GLMN: variants seen among roughly 807,000 people sequenced by gnomAD.
GLMN encodes the protein glomulin, FKBP associated protein, also known as glomulin.
Under a neutral mutation model 87.8 loss-of-function variants are expected in GLMN, and 75 were observed. The ratio of observed to expected loss-of-function variants is 0.85; its 90% CI spans 0.71 to 1.04. GLMN has a LOEUF of 1.04. Ranked by LOEUF, GLMN falls within the 50% of genes least tolerant of loss-of-function variation. The pLI is 0.00. For missense variants in GLMN, 588 were observed against 658.8 expected (o/e 0.89, Z 1.18); for synonymous variants, 206 against 221.6 (o/e 0.93, Z 0.63).
At chr1:92,361,936 T>C in the GLMN span, among the ~76,000 whole-genome samples, 1 of 152,194 alleles carries the variant, frequency 6.6e-6, no homozygotes. Flanking sequence ...TTTTAGTTAT[T>C]TATCTGATGC....
the GLMN span, among the ~76,000 whole-genome samples, chr1:92,356,754 C>T: frequency 6.6e-6 from 1 of 150,630 alleles, no homozygotes; most frequent in Non-Finnish European, 1.5e-5. Flanking sequence ...TTTTTATTCT[C>T]TACTTTTTTT....
At chr1:92,293,045 A>G (rs1649604148) in intron 3 of GLMN, among the ~76,000 whole-genome samples, 1 of 151,928 alleles carries the variant, frequency 6.6e-6, no homozygotes. Context: ...AATAATGAAA[A>G]AGCAGATCTA....
chr1:92,275,951 G>A (rs1168950814), intron 7 of GLMN, among the ~76,000 whole-genome samples: 3 of 152,162 alleles, frequency 2.0e-5, no homozygotes, highest in African/African-American at 4.8e-5. Context: ...GCCAGGTATG[G>A]TGGCTCAGAC....
the GLMN span, chr1:92,333,388 C>T: frequency 1.0e-3 from 1,688 of 1,609,160 alleles, 36 homozygotes; most frequent in East Asian, 0.031. Context: ...AAATGTGATT[C>T]AGCATGATTC....
the GLMN span, among the ~76,000 whole-genome samples, chr1:92,350,812 G>T: frequency 1.3e-5 from 2 of 152,026 alleles, no homozygotes; most frequent in African/African-American, 4.8e-5. Flanking sequence ...CATGCCTATA[G>T]TTCCAGCTAC....
At chr1:92,298,233 C>T (rs568358528) in intron 1 of GLMN, among the ~76,000 whole-genome samples, 164 of 151,928 alleles carry the variant, frequency 1.1e-3, no homozygotes, top group African/African-American at 3.8e-3. Context: ...AGTATGTTTG[C>T]CTAAGAAAAT....
At chr1:92,259,934 A>G (rs1301638430) in intron 16 of GLMN, among the ~76,000 whole-genome samples, 1 of 151,570 alleles carries the variant, frequency 6.6e-6, no homozygotes, top group Non-Finnish European at 1.5e-5. Flanking sequence ...ACGGGGTTTC[A>G]CTGTGTTAGC....
the GLMN span, among the ~76,000 whole-genome samples, chr1:92,335,262 A>C: frequency 6.6e-6 from 1 of 152,234 alleles, no homozygotes; most frequent in Non-Finnish European, 1.5e-5. Flanking sequence ...AGGGAATGAA[A>C]AATGAAGCAA....
At chr1:92,249,288 CTTT>C (rs1282095175) in intron 16 of GLMN, among the ~76,000 whole-genome samples, 10 of 110,420 alleles carry the variant, frequency 9.1e-5, no homozygotes, top group Non-Finnish European at 1.5e-4. Flanking sequence ...TTTTTTGCTT[CTTT>C]ATGTTGATTT....
chr1:92,322,972 A>C, the GLMN span, among the ~76,000 whole-genome samples: 1 of 146,720 alleles, frequency 6.8e-6, no homozygotes, highest in Non-Finnish European at 1.5e-5. Context: ...ATATATGTAC[A>C]AGTATATATT....
chr1:92,284,641 G>A (rs549088825), intron 7 of GLMN, among the ~76,000 whole-genome samples: 2 of 152,260 alleles, frequency 1.3e-5, no homozygotes, highest in East Asian at 3.9e-4. Flanking sequence ...AAACTAAAGA[G>A]CTTCTGCACA....
the GLMN span, among the ~76,000 whole-genome samples, chr1:92,307,448 A>T: frequency 5.3e-5 from 8 of 152,236 alleles, no homozygotes; most frequent in Non-Finnish European, 1.2e-4. Context: ...TTACACTTAA[A>T]ATCAGAAAAT....
At chr1:92,364,086 G>A in the GLMN span, among the ~76,000 whole-genome samples, 1 of 152,010 alleles carries the variant, frequency 6.6e-6, no homozygotes, top group Non-Finnish European at 1.5e-5. Context: ...GTCATTGAGA[G>A]GATCCAGAAA....
At chr1:92,305,407 G>C in the GLMN span, among the ~76,000 whole-genome samples, 1 of 94,682 alleles carries the variant, frequency 1.1e-5, no homozygotes, top group Non-Finnish European at 2.1e-5. Context: ...CATTCCAGCC[G>C]GGGCAACAGA....
intron 15 of GLMN, 24 bp from the exon 16 acceptor site, chr1:92,262,950 C>G (rs1356914108): frequency 1.1e-6 from 1 of 901,336 alleles, no homozygotes; most frequent in African/African-American, 1.6e-5. Context: ...ATATATGTTA[C>G]TTACAGTATG....
the GLMN span, among the ~76,000 whole-genome samples, chr1:92,347,328 AATATCAGTAT>A: frequency 5.9e-3 from 903 of 152,298 alleles, 6 homozygotes; most frequent in African/African-American, 0.019. Flanking sequence ...TGGCAAAGAA[AATATCAGTAT>A]CTCTGCTCAC....
At chr1:92,343,897 T>C in the GLMN span, among the ~76,000 whole-genome samples, 1 of 152,154 alleles carries the variant, frequency 6.6e-6, no homozygotes, top group Non-Finnish European at 1.5e-5. Context: ...TAAGGAAACT[T>C]ACCTGGCAGA....
the GLMN span, among the ~76,000 whole-genome samples, chr1:92,320,406 G>T: frequency 9.9e-5 from 15 of 152,168 alleles, no homozygotes; most frequent in South Asian, 1.7e-3. Context: ...CTGAGTAGCT[G>T]GGACTACAGG....
chr1:92,351,199 C>T, the GLMN span, among the ~76,000 whole-genome samples: 29 of 149,198 alleles, frequency 1.9e-4, no homozygotes, highest in South Asian at 4.3e-4. Context: ...CCTAGCTACT[C>T]GGGAGGCTGA....
Sources: allele counts gnomAD v4.1 joint callset (sites outside exome capture counted in the v4.1 genomes callset), GRCh38; gene constraint gnomAD v4.1.1; transcripts MANE v1.5; gene names NCBI Gene and HGNC (gene_info 2026-07-23, HGNC 2026-07-21).